Variants in PRDX4 observed in about 807,000 individuals in gnomAD.
The protein encoded by PRDX4 is peroxiredoxin-4.
A neutral mutation model predicts 20.5 loss-of-function variants in PRDX4; 12 were observed. The ratio of observed to expected loss-of-function variants is 0.58; its 90% CI spans 0.37 to 0.95. The LOEUF (loss-of-function observed/expected upper bound fraction) is 0.95. PRDX4 is among the 40% of genes least tolerant of loss of function. The pLI, the probability that PRDX4 is intolerant of heterozygous loss-of-function variation, is 0.01. For missense variants in PRDX4, 180 were observed against 207.3 expected (o/e 0.87, Z 0.81); for synonymous variants, 99 against 87.5 (o/e 1.13, Z -0.73).
intron 6 of PRDX4, among the ~76,000 whole-genome samples, chrX:23,685,512 A>T (rs1928165255): frequency 9.1e-6 from 1 of 110,179 alleles, no homozygotes; most frequent in Non-Finnish European, 1.9e-5. Context: ...TCAGATTAAC[A>T]TAGAGATGAG....
chrX:23,679,692 T>G (rs1302711409), intron 4 of PRDX4, among the ~76,000 whole-genome samples: 2 of 88,364 alleles, frequency 2.3e-5, no homozygotes, highest in Non-Finnish European at 2.2e-5. Flanking sequence ...AAAAAAGAAA[T>G]AATTGGCTGG....
intron 3 of PRDX4, chrX:23,675,367 G>A (rs1225317274): frequency 2.1e-6 from 1 of 477,212 alleles, no homozygotes; most frequent in Non-Finnish European, 3.2e-6. Context: ...AAATGCAATA[G>A]ATGTGATTTC....
intron 3 of PRDX4, among the ~76,000 whole-genome samples, chrX:23,675,851 G>T (rs1286535905): frequency 8.9e-6 from 1 of 111,755 alleles, no homozygotes; most frequent in African/African-American, 3.3e-5. Context: ...GAATTGGGCT[G>T]GGCACAGTGG....
chrX:23,684,194 A>T (rs1928142494), intron 6 of PRDX4, among the ~76,000 whole-genome samples: 1 of 110,881 alleles, frequency 9.0e-6, no homozygotes, highest in Non-Finnish European at 1.9e-5. Context: ...CTGAAACCGG[A>T]GAAAGCAGAA....
At chrX:23,686,234 G>C (rs1569185123) in intron 6 of PRDX4, 51 bp from the exon 7 acceptor site, 8 of 1,021,752 alleles carry the variant, frequency 7.8e-6, no homozygotes, top group Non-Finnish European at 1.1e-5. Context: ...TACTCATTAT[G>C]TACTTTGGCT....
intron 2 of PRDX4, among the ~76,000 whole-genome samples, chrX:23,672,314 G>C (rs1927862642): frequency 8.9e-6 from 1 of 111,834 alleles, no homozygotes; most frequent in African/African-American, 3.2e-5. Context: ...ATGTAACTGT[G>C]GTTTTTCCAT....
Position 23,680,304 on chromosome X carries a change from A to G in PRDX4, c.599+1017A>G, listed in dbSNP as rs994692831. Among the ~76,000 whole-genome samples the G allele has an allele frequency of 1.4e-4, 16 of 112,095 alleles. 1 individual carries two copies. The highest frequency in any genetic ancestry group is 2.1e-4 in the Non-Finnish European group (11 of 53,275). On this transcript the variant is annotated intron_variant, in intron 4 of 6. Transcript: ENST00000379341. The stretch of plus-strand genomic sequence containing the variant: ...ACTCCAGTAATGTTTTTTTCTAAAT[A>G]CAAGTGTCATACTACTTAGCAAACC...
In PRDX4 at chrX:23,667,591, A is replaced by G. The variant is rs1927754899; in HGVS notation, c.21A>G (p.Leu7=). Residue 7 remains leucine, a synonymous_variant, in exon 1 of 7, where the codon CTA becomes CTG. Transcript: ENST00000379341. MEALPL[L]AATTPDHGRH... is the part of the protein sequence containing the mutation. ...TGGTCATGGAGGCGCTGCCGCTGCT[A>G]GCCGCGACAACTCCGGACCACGGCC... 2 of 1,190,562 alleles carry G rather than the reference A, an allele frequency of 1.7e-6. No homozygotes were observed. Among genetic ancestry groups the G allele is most frequent in the Non-Finnish European group, 2.3e-6 (2 of 885,350 alleles).
chrX:23,679,827 C>A (rs1450393259), intron 4 of PRDX4, among the ~76,000 whole-genome samples: 1 of 106,930 alleles, frequency 9.4e-6, no homozygotes, highest in African/African-American at 3.4e-5. Flanking sequence ...CTAAAAAATA[C>A]AAAAATTAGC....
intron 1 of PRDX4, among the ~76,000 whole-genome samples, chrX:23,670,591 C>T (rs1274614122): frequency 2.7e-5 from 3 of 112,137 alleles, no homozygotes; most frequent in Non-Finnish European, 5.6e-5. Flanking sequence ...TGTAAGGGGT[C>T]TGAAAGTATA....
chrX:23,669,334 G>A (rs1033096517), intron 1 of PRDX4, among the ~76,000 whole-genome samples: 5 of 112,143 alleles, frequency 4.5e-5, no homozygotes, highest in Non-Finnish European at 7.5e-5. Context: ...CCAGTTAAGT[G>A]TTTACTTACA....
At chrX:23,679,655 C>T (rs1383173221) in intron 4 of PRDX4, among the ~76,000 whole-genome samples, 5 of 105,268 alleles carry the variant, frequency 4.7e-5, no homozygotes, top group Non-Finnish European at 7.8e-5. Flanking sequence ...CACTGCACTC[C>T]AGCCTGGGCG....
chrX:23,671,850 A>G lies in PRDX4; in HGVS notation c.359+204A>G, dbSNP rs148808015. ...ATACTTATGTCTACATGATTATGTT[A>G]TAATGGAATAATTAGAGGAAAGCTA... On this transcript the variant is annotated intron_variant, in intron 2 of 6. Coordinates refer to ENST00000379341, the MANE Select transcript of PRDX4 (RefSeq NM_006406.2). Among the ~76,000 whole-genome samples, 671 of 112,589 alleles carry G rather than the reference A, an allele frequency of 6.0e-3. 2 individuals carry two copies. Among genetic ancestry groups the G allele is most frequent in the Middle Eastern group, 0.014 (3 of 218 alleles).
chrX:23,681,402 A>G (rs1396591993), intron 4 of PRDX4, among the ~76,000 whole-genome samples: 1 of 111,920 alleles, frequency 8.9e-6, no homozygotes, highest in East Asian at 2.8e-4. Context: ...GGCAACCACA[A>G]ATCTACTTTA....
At chrX:23,671,278 A>G (rs1261690790) in intron 1 of PRDX4, 6 of 285,002 alleles carry the variant, frequency 2.1e-5, no homozygotes, top group Non-Finnish European at 3.0e-5. Context: ...TATAGAGCAC[A>G]TGTATTATGA....
In PRDX4 at chrX:23,686,377, A is replaced by C; in HGVS notation, c.*42A>C. 9.7e-7 allele frequency: 1 copy of C among 1,032,713 alleles called. No individual in the cohort carries two copies. Among genetic ancestry groups the C allele is most frequent in the South Asian group, 2.2e-5 (1 of 45,701 alleles). 85.1% of individuals were successfully genotyped at this position (1,032,713 alleles called of 1,213,427 possible). Reference sequence around the variant, plus strand: ...TTATGATGCTTGAAAGTTCTCAATAAAGTTCACGGTTTCATTACCACATTG... The same window carrying C: ...TTATGATGCTTGAAAGTTCTCAATACAGTTCACGGTTTCATTACCACATTG... On this transcript the variant is annotated 3_prime_UTR_variant, in exon 7 of 7. Coordinates refer to ENST00000379341, the MANE Select transcript of PRDX4 (RefSeq NM_006406.2).
intron 2 of PRDX4, among the ~76,000 whole-genome samples, chrX:23,674,057 C>G (rs777697577): frequency 1.8e-4 from 20 of 111,102 alleles, no homozygotes; most frequent in Non-Finnish European, 1.9e-4. Flanking sequence ...AACATTCCAT[C>G]TGGATGCACC....
chrX:23,680,992 G>A (rs901921444), intron 4 of PRDX4, among the ~76,000 whole-genome samples: 4 of 111,682 alleles, frequency 3.6e-5, no homozygotes, highest in African/African-American at 1.3e-4. Flanking sequence ...CACTTTGGGA[G>A]GCCAAGGCAG....
At chrX:23,671,121 A>T (rs1927833820) in intron 1 of PRDX4, among the ~76,000 whole-genome samples, 1 of 112,067 alleles carries the variant, frequency 8.9e-6, no homozygotes, top group Non-Finnish European at 1.9e-5. Context: ...CACTATCTTC[A>T]GCAGCACTTG....
Sources: gnomAD v4.1 joint callset for allele counts (sites outside exome capture counted in the v4.1 genomes callset) on GRCh38, gnomAD v4.1.1 for gene constraint, MANE v1.5 for transcripts, NCBI Gene and HGNC (gene_info 2026-07-23, HGNC 2026-07-21) for gene names.